Variants in DIAPH2 observed in about 807,000 individuals in gnomAD.
DIAPH2 encodes diaphanous related formin 2.
Under a neutral mutation model 92.7 loss-of-function variants are expected in DIAPH2, and 35 were observed. The observed-to-expected ratio is 0.38, with a 90% confidence interval of 0.29 to 0.50. The LOEUF (loss-of-function observed/expected upper bound fraction) is 0.50. DIAPH2 is among the 20% of genes least tolerant of loss of function. The pLI is 0.94. For missense variants in DIAPH2, 701 were observed against 819.5 expected (o/e 0.86, Z 1.77); for synonymous variants, 301 against 280.4 (o/e 1.07, Z -0.73).
chrX:97,382,664 T>C (rs189324485), intron 24 of DIAPH2, among the ~76,000 whole-genome samples: 225 of 111,572 alleles, frequency 2.0e-3, no homozygotes, highest in African/African-American at 7.2e-3. Context: ...AGCCTATTGC[T>C]ATGGAGTCTA....
At chrX:96,774,097 A>G in intron 4 of DIAPH2, among the ~76,000 whole-genome samples, 1 of 111,731 alleles carries the variant, frequency 9.0e-6, no homozygotes, top group Non-Finnish European at 1.9e-5. Flanking sequence ...ACCTAATTTA[A>G]TCCTCATAAG....
chrX:97,382,314 G>A (rs1428727884), intron 24 of DIAPH2, among the ~76,000 whole-genome samples: 1 of 111,863 alleles, frequency 8.9e-6, no homozygotes, highest in Non-Finnish European at 1.9e-5. Flanking sequence ...GGTTTGGCCG[G>A]GTGCGGTGGC....
intron 22 of DIAPH2, among the ~76,000 whole-genome samples, chrX:97,210,974 G>C (rs2067835128): frequency 8.9e-6 from 1 of 112,179 alleles, no homozygotes; most frequent in Non-Finnish European, 1.9e-5. Context: ...GGACATGACA[G>C]TGAAATCAAT....
At chrX:96,807,755 G>A (rs1054259169) in intron 4 of DIAPH2, among the ~76,000 whole-genome samples, 12 of 107,131 alleles carry the variant, frequency 1.1e-4, no homozygotes, top group Non-Finnish European at 2.1e-4. Context: ...GAGACACTAG[G>A]CAAAGGAAAA....
At chrX:97,013,242 A>G (rs1451175986) in intron 17 of DIAPH2, among the ~76,000 whole-genome samples, 2 of 112,251 alleles carry the variant, frequency 1.8e-5, no homozygotes, top group Admixed American at 1.9e-4. Flanking sequence ...CAAAATACCT[A>G]TAAAAAGCAG....
chrX:97,563,677 G>A (rs903110337), intron 26 of DIAPH2, among the ~76,000 whole-genome samples: 2 of 111,673 alleles, frequency 1.8e-5, no homozygotes, highest in Non-Finnish European at 3.8e-5. Context: ...TGAGTGGGCC[G>A]AGAAGTGGCA....
At chrX:96,854,630 T>G (rs747075774) in intron 4 of DIAPH2, among the ~76,000 whole-genome samples, 3 of 80,373 alleles carry the variant, frequency 3.7e-5, no homozygotes, top group Admixed American at 2.8e-4. Context: ...TATATATATA[T>G]ATATATATAT....
chrX:97,407,408 A>C (rs940835770), intron 25 of DIAPH2, among the ~76,000 whole-genome samples: 3 of 111,910 alleles, frequency 2.7e-5, no homozygotes, highest in Non-Finnish European at 1.9e-5. Context: ...GAAAAAAAAA[A>C]CTACACAATT....
intron 26 of DIAPH2, among the ~76,000 whole-genome samples, chrX:97,572,199 A>C (rs2071374700): frequency 9.1e-6 from 1 of 110,323 alleles, no homozygotes; most frequent in African/African-American, 3.3e-5. Context: ...AAGGGAGGCA[A>C]GGGGCAAGGG....
intron 22 of DIAPH2, among the ~76,000 whole-genome samples, chrX:97,172,537 C>G (rs1046750689): frequency 3.6e-5 from 4 of 111,889 alleles, no homozygotes; most frequent in African/African-American, 1.3e-4. Flanking sequence ...ATTATACTCA[C>G]TAGATCATTA....
At chrX:97,208,758 G>A (rs1453843835) in intron 22 of DIAPH2, among the ~76,000 whole-genome samples, 1 of 111,375 alleles carries the variant, frequency 9.0e-6, no homozygotes, top group African/African-American at 3.3e-5. Context: ...GGACTATTAT[G>A]TAAGCCTTTG....
At chrX:96,939,584 ATGTG>A (rs200977682) in intron 12 of DIAPH2, among the ~76,000 whole-genome samples, 2 of 64,287 alleles carry the variant, frequency 3.1e-5, no homozygotes, top group African/African-American at 5.2e-5. Flanking sequence ...GTGTGTGTAT[ATGTG>A]TGTGTGTGTA....
At chrX:97,510,955 C>G (rs1234887554) in intron 26 of DIAPH2, among the ~76,000 whole-genome samples, 2,552 of 108,599 alleles carry the variant, frequency 0.023, 26 homozygotes, top group Middle Eastern at 0.042. Flanking sequence ...ATGCCTCCAG[C>G]TTTGTTCTTT....
intron 26 of DIAPH2, among the ~76,000 whole-genome samples, chrX:97,456,740 T>TA (rs1179426702): frequency 1.8e-5 from 2 of 111,043 alleles, no homozygotes; most frequent in East Asian, 2.8e-4. Context: ...TACAATAATA[T>TA]AAAAAAAACT....
At chrX:97,269,927 T>G (rs1389796866) in intron 23 of DIAPH2, among the ~76,000 whole-genome samples, 1 of 107,650 alleles carries the variant, frequency 9.3e-6, no homozygotes, top group East Asian at 3.0e-4. Context: ...TAATTTTGCG[T>G]TTTGTTTTGT....
chrX:97,466,463 C>T (rs750552001), intron 26 of DIAPH2, among the ~76,000 whole-genome samples: 10 of 21,207 alleles, frequency 4.7e-4, no homozygotes, highest in Non-Finnish European at 1.1e-3. Context: ...GGACTCTTTA[C>T]TGAAGTATTA....
At chrX:96,760,196 T>C (rs997018460) in intron 4 of DIAPH2, among the ~76,000 whole-genome samples, 3 of 111,865 alleles carry the variant, frequency 2.7e-5, no homozygotes, top group African/African-American at 3.2e-5. Context: ...ACAAGCATTT[T>C]TGAAGCTTTC....
chrX:97,160,110 T>C (rs923132571), intron 22 of DIAPH2, among the ~76,000 whole-genome samples: 6 of 56,989 alleles, frequency 1.1e-4, no homozygotes, highest in African/African-American at 2.7e-4. Flanking sequence ...CGGGGCGGGG[T>C]GGGGGCTGGA....
chrX:96,866,673 G>A lies in DIAPH2; in HGVS notation c.448-14906G>A, dbSNP rs2065106531. 3.6e-5 allele frequency among the ~76,000 whole-genome samples: 4 copies of A among 111,923 alleles called. No homozygotes were observed. The Admixed American group carries it at 3.8e-4, about 11-fold the overall frequency. Reference sequence around the variant, plus strand: ...TTCTTTGCTGTACAAAATCTTCACTGAATATATTTGATAAGTTGAAAGGCT... The same window carrying A: ...TTCTTTGCTGTACAAAATCTTCACTAAATATATTTGATAAGTTGAAAGGCT... On this transcript the variant is annotated intron_variant, in intron 4 of 26. Transcript: ENST00000324765.
Sources: allele counts gnomAD v4.1 joint callset (sites outside exome capture counted in the v4.1 genomes callset), GRCh38; gene constraint gnomAD v4.1.1; transcripts MANE v1.5; gene names NCBI Gene and HGNC (gene_info 2026-07-23, HGNC 2026-07-21).